Variants in PCDHA8 observed in about 807,000 individuals in gnomAD.
The protein encoded by PCDHA8 is protocadherin alpha-8.
A neutral mutation model predicts 61.8 loss-of-function variants in PCDHA8; 53 were observed. That is an observed-to-expected ratio of 0.86 (90% CI 0.69 to 1.08). PCDHA8 has a LOEUF of 1.08. PCDHA8 is among the 50% of genes least tolerant of loss of function. The probability of loss-of-function intolerance (pLI) is 0.00; values close to 1 mark genes in which losing one functional copy is unlikely to be tolerated. For missense variants in PCDHA8, 1,293 were observed against 1,245.0 expected, an observed-to-expected ratio of 1.04 and a Z score of -0.58; for synonymous variants, 618 against 556.6, an observed-to-expected ratio of 1.11 and a Z score of -1.55.
chr5:140,958,873 A>G (rs1554223676), intron 1 of PCDHA8, among the ~76,000 whole-genome samples: 1 of 152,100 alleles, frequency 6.6e-6, no homozygotes, highest in East Asian at 1.9e-4. Context: ...TTTATAAAAG[A>G]ATTGACCAGT....
chr5:140,870,551 C>G (rs1554164401), intron 1 of PCDHA8: 11 of 1,614,022 alleles, frequency 6.8e-6, no homozygotes, highest in African/African-American at 1.3e-5. Flanking sequence ...GACGCGGACG[C>G]GCAGGAGAAC....
At chr5:140,996,226 G>C (rs2097717630) in intron 3 of PCDHA8, among the ~76,000 whole-genome samples, 1 of 152,196 alleles carries the variant, frequency 6.6e-6, no homozygotes, top group South Asian at 2.1e-4. Context: ...GTCTAGAAAT[G>C]GTTGCTCAAG....
rs1365563680 is a variant in PCDHA8 at position 140,841,432 on chromosome 5, G to A, written c.111G>A (p.Glu37=). 3.1e-6 allele frequency: 5 copies of A among 1,612,878 alleles called. No homozygotes were observed. Among genetic ancestry groups the A allele is most frequent in the African/African-American group, 1.3e-5 (1 of 74,840 alleles). ...GCCAGCTCCACTACTCCGTCCCCGA[G>A]GAGGCCAAACACGGCACCTTCGTGG... ...GSGQLHYSVP[E]EAKHGTFVGR... The change falls in exon 1 of 4, where the codon GAG becomes GAA. Residue 37 remains glutamate (E), a synonymous_variant. Coordinates refer to ENST00000531613, the MANE Select transcript of PCDHA8 (RefSeq NM_018911.3).
intron 1 of PCDHA8, chr5:140,875,559 C>A (rs1554167755): frequency 6.2e-7 from 1 of 1,614,138 alleles, no homozygotes; most frequent in Admixed American, 1.7e-5. Flanking sequence ...TGGGGAGCGG[C>A]CAGCTCCACT....
intron 3 of PCDHA8, among the ~76,000 whole-genome samples, chr5:140,996,006 C>G (rs962825775): frequency 6.6e-6 from 1 of 152,204 alleles, no homozygotes; most frequent in Non-Finnish European, 1.5e-5. Context: ...GTCGTCAGAA[C>G]TATTACTACT....
intron 1 of PCDHA8, chr5:140,926,544 C>G (rs9765406): frequency 0.16 from 35,740 of 221,378 alleles, 3,305 homozygotes; most frequent in African/African-American, 0.26. Context: ...GCGTGGTGGT[C>G]GAGACCCCAG....
At chr5:140,929,370 C>T in intron 1 of PCDHA8, 1 of 1,515,732 alleles carries the variant, frequency 6.6e-7, no homozygotes, top group Non-Finnish European at 8.8e-7. Flanking sequence ...CCGGAGATGG[C>T]TGCTAGCTGT....
At chr5:140,927,301 C>A in intron 1 of PCDHA8, 3 of 1,614,204 alleles carry the variant, frequency 1.9e-6, no homozygotes, top group Non-Finnish European at 2.5e-6. Context: ...CCCCGAGTTC[C>A]TGACGCCCGG....
At chr5:140,875,324 C>G in intron 1 of PCDHA8, 2 of 1,426,280 alleles carry the variant, frequency 1.4e-6, no homozygotes, top group Non-Finnish European at 1.8e-6. Flanking sequence ...CAATCATTCA[C>G]GGAATAGGAT....
intron 1 of PCDHA8, among the ~76,000 whole-genome samples, chr5:140,846,674 T>TA (rs1434317760): frequency 1.3e-5 from 2 of 149,408 alleles, no homozygotes; most frequent in East Asian, 3.9e-4. Context: ...GCGCCCAGCC[T>TA]AAAATGCTTT....
chr5:141,008,286 A>G (rs944894226), intron 3 of PCDHA8, among the ~76,000 whole-genome samples: 1 of 152,248 alleles, frequency 6.6e-6, no homozygotes, highest in Admixed American at 6.5e-5. Flanking sequence ...TTGAAATAGC[A>G]GTTGTACCCA....
At chr5:140,884,138 G>C (rs782798249) in intron 1 of PCDHA8, 2 of 1,613,410 alleles carry the variant, frequency 1.2e-6, no homozygotes, top group Non-Finnish European at 1.7e-6. Context: ...CCCGTTCCGC[G>C]TGGGGCTGTA....
intron 1 of PCDHA8, chr5:140,851,932 T>G: frequency 1.0e-6 from 1 of 965,638 alleles, no homozygotes; most frequent in Non-Finnish European, 1.3e-6. Context: ...TTTCCTGAAT[T>G]GTAGTATGTG....
At chr5:140,929,459 G>A in intron 1 of PCDHA8, 1 of 1,350,080 alleles carries the variant, frequency 7.4e-7, no homozygotes. Flanking sequence ...CACTTCCTGT[G>A]CCAAGAAATC....
At chr5:140,852,715 C>T in intron 1 of PCDHA8, 1 of 981,378 alleles carries the variant, frequency 1.0e-6, no homozygotes, top group Non-Finnish European at 1.2e-6. Context: ...TTTGTCTTTG[C>T]ACGTTTTTCA....
intron 1 of PCDHA8, chr5:140,866,915 A>C (rs1413291718): frequency 6.6e-6 from 1 of 152,138 alleles, no homozygotes. Context: ...CTCAAAGATG[A>C]GTTCAAAGGG....
rs966554278 is a variant in PCDHA8 at position 140,906,071 on chromosome 5, G to A, written c.2394+62356G>A. On this transcript the variant is annotated intron_variant, in intron 1 of 3. Coordinates refer to ENST00000531613, the MANE Select transcript of PCDHA8 (RefSeq NM_018911.3). ...GGCTGCACTGGCAGCTGATTAGATCGCACCCACCCAGACTGAGAGTAAGTG... is the reference window on the plus strand; with the variant it reads ...GGCTGCACTGGCAGCTGATTAGATCACACCCACCCAGACTGAGAGTAAGTG... 9.2e-5 allele frequency among the ~76,000 whole-genome samples: 14 copies of A among 152,200 alleles called. 1 individual carries two copies. The highest frequency in any genetic ancestry group is 3.9e-4 in the Admixed American group (6 of 15,286).
At chr5:140,882,088 T>G (rs1334008975) in intron 1 of PCDHA8, 3 of 1,087,274 alleles carry the variant, frequency 2.8e-6, no homozygotes, top group African/African-American at 1.6e-5. Flanking sequence ...CGCTCTTCAC[T>G]GAGAACGTTT....
intron 3 of PCDHA8, among the ~76,000 whole-genome samples, chr5:140,989,362 G>A (rs1264795948): frequency 6.6e-6 from 1 of 152,176 alleles, no homozygotes; most frequent in African/African-American, 2.4e-5. Context: ...GGTCACCTGT[G>A]TGACTGAGAG....
Sources: allele counts gnomAD v4.1 joint callset (sites outside exome capture counted in the v4.1 genomes callset), GRCh38; gene constraint gnomAD v4.1.1; transcripts MANE v1.5; gene names NCBI Gene and HGNC (gene_info 2026-07-23, HGNC 2026-07-21).